Variants in LRRC63 observed in about 807,000 individuals in gnomAD.
LRRC63 encodes leucine rich repeat containing 63, also known as leucine-rich repeat-containing protein 63.
A neutral mutation model predicts 49.5 loss-of-function variants in LRRC63; 40 were observed. The observed-to-expected ratio is 0.81, with a 90% CI of 0.63 to 1.05. The LOEUF (loss-of-function observed/expected upper bound fraction) is 1.05, where lower values mean the gene tolerates loss of function less well. LRRC63 is among the 50% of genes least tolerant of loss of function. LRRC63 has a pLI of 0.00. For synonymous variants in LRRC63, 191 were observed against 221.1 expected (o/e 0.86, Z 1.21); for missense variants, 636 against 663.1 (o/e 0.96, Z 0.45).
rs1555328641 is a variant in LRRC63, at chr13:46,255,645, A to AAAAAAAAAAAAAATAT, written c.1226+5155_1226+5156insAAAAAAAAAAAATATA. Among the ~76,000 whole-genome samples the AAAAAAAAAAAAAATAT allele has an allele frequency of 3.6e-3, 461 of 129,428 alleles. 8 individuals carry two copies. Among genetic ancestry groups the AAAAAAAAAAAAAATAT allele is most frequent in the African/African-American group, 0.013 (439 of 34,334 alleles). The allele number at this position is 129,428 out of a possible 152,430, so 84.9% of individuals were successfully genotyped here. On this transcript the variant is annotated intron_variant, in intron 7 of 9. Coordinates refer to ENST00000595396, the Ensembl canonical transcript of LRRC63. The stretch of plus-strand genomic sequence containing the variant: ...GGCAACAGAGTAAGACCCTGCCTCA[A>AAAAAAAAAAAAAATAT]ATATATATATATATATATATAGTTA...
intron 2 of LRRC63, among the ~76,000 whole-genome samples, chr13:46,216,615 T>G (rs2046258808): frequency 6.6e-6 from 1 of 152,178 alleles, no homozygotes; most frequent in Non-Finnish European, 1.5e-5. Context: ...TGCCTGATTG[T>G]GCTGGCCAGA....
intron 4 of LRRC63, among the ~76,000 whole-genome samples, chr13:46,229,146 C>T (rs1660028813): frequency 6.6e-6 from 1 of 152,018 alleles, no homozygotes; most frequent in African/African-American, 2.4e-5. Flanking sequence ...TTACCAGGCA[C>T]ACAAAGAGAA....
At position 46,276,826 on chromosome 13, in the gene LRRC63, G is replaced by GTATATA. The variant is rs752992115; in HGVS notation, c.*24_*25insATATAT. On this transcript the variant is annotated 3_prime_UTR_variant, in exon 10 of 10. Coordinates refer to ENST00000595396, the Ensembl canonical transcript of LRRC63. ...TAGTACAATGATTTATCGTATGTGT[G>GTATATA]TGTATATATATATATATATATATAT... The GTATATA allele has an allele frequency of 8.4e-4, 139 of 165,320 alleles. 1 individual carries two copies. Among genetic ancestry groups the GTATATA allele is most frequent in the Middle Eastern group, 6.6e-3 (3 of 456 alleles). 10.2% of individuals were successfully genotyped at this position (165,320 alleles called of 1,614,324 possible). A position where few individuals can be genotyped will look rare whatever the true frequency, so the allele number is the denominator to read the frequency against.
chr13:46,265,733 C>A (rs1430701825), intron 8 of LRRC63, among the ~76,000 whole-genome samples: 1 of 152,196 alleles, frequency 6.6e-6, no homozygotes, highest in Non-Finnish European at 1.5e-5. Flanking sequence ...GGCCCCTAGG[C>A]TTGTGATTTG....
intron 7 of LRRC63, among the ~76,000 whole-genome samples, chr13:46,254,639 A>G (rs1479281699): frequency 6.6e-6 from 1 of 152,220 alleles, no homozygotes; most frequent in Non-Finnish European, 1.5e-5. Context: ...TTTGAGAGCA[A>G]GAAGAATAAT....
chr13:46,236,477 T>A (rs1191767029), intron 5 of LRRC63, among the ~76,000 whole-genome samples: 1 of 152,176 alleles, frequency 6.6e-6, no homozygotes. Flanking sequence ...CACAGCCAGT[T>A]TGTTGCCAGA....
rs1463904343 is a variant in LRRC63, at chr13:46,247,244, G to A, written c.1089+619G>A. Among the ~76,000 whole-genome samples, 3 of 152,082 alleles carry A rather than the reference G, an allele frequency of 2.0e-5. No individual in the cohort carries two copies. The East Asian group carries it at 5.8e-4, about 29-fold the overall frequency. Reference sequence around the variant, plus strand: ...TGTATTTTCTTCTTTCAATCAGATGGTATTGAAAACATATATTTTCCATAC... The same window carrying A: ...TGTATTTTCTTCTTTCAATCAGATGATATTGAAAACATATATTTTCCATAC... On this transcript the variant is annotated intron_variant, in intron 6 of 9. Coordinates refer to ENST00000595396, the Ensembl canonical transcript of LRRC63.
chr13:46,249,637 A>G (rs1209796678), intron 6 of LRRC63, among the ~76,000 whole-genome samples: 2 of 151,894 alleles, frequency 1.3e-5, no homozygotes, highest in Non-Finnish European at 2.9e-5. Flanking sequence ...GAGCCAAAAT[A>G]ATTTTGAAAA....
chr13:46,220,167 G>A (rs2138364500), intron 2 of LRRC63, among the ~76,000 whole-genome samples: 1 of 152,296 alleles, frequency 6.6e-6, no homozygotes, highest in Non-Finnish European at 1.5e-5. Flanking sequence ...TTCAGAGCTG[G>A]CAGACAGGAA....
chr13:46,230,331 C>T (rs2046711258), intron 4 of LRRC63, among the ~76,000 whole-genome samples: 1 of 152,100 alleles, frequency 6.6e-6, no homozygotes, highest in South Asian at 2.1e-4. Flanking sequence ...AGGGACAGAA[C>T]TAATAGGATA....
At chr13:46,225,488 G>A (rs570223051) in intron 2 of LRRC63, among the ~76,000 whole-genome samples, 1 of 152,108 alleles carries the variant, frequency 6.6e-6, no homozygotes, top group South Asian at 2.1e-4. Flanking sequence ...CGGTGGGAGA[G>A]GAAATCAAAC....
chr13:46,223,502 T>C (rs1390367599), intron 2 of LRRC63, among the ~76,000 whole-genome samples: 1 of 150,544 alleles, frequency 6.6e-6, no homozygotes, highest in Non-Finnish European at 1.5e-5. Flanking sequence ...TTTTTTTTAA[T>C]TTCAGCACTT....
intron 7 of LRRC63, among the ~76,000 whole-genome samples, chr13:46,258,905 A>C (rs2047569799): frequency 6.6e-6 from 1 of 152,126 alleles, no homozygotes; most frequent in Admixed American, 6.5e-5. Context: ...TTTCTAAAAT[A>C]AAATAAAATA....
chr13:46,254,349 C>T (rs911366506), intron 7 of LRRC63, among the ~76,000 whole-genome samples: 1 of 151,878 alleles, frequency 6.6e-6, no homozygotes, highest in East Asian at 1.9e-4. Context: ...GGAAAGAAAC[C>T]AATAGGGAAT....
At chr13:46,245,555 C>T (rs1012877783) in intron 5 of LRRC63, among the ~76,000 whole-genome samples, 2 of 151,918 alleles carry the variant, frequency 1.3e-5, no homozygotes, top group African/African-American at 4.8e-5. Context: ...TAGAAAAGTA[C>T]CAAATATTTG....
intron 9 of LRRC63, among the ~76,000 whole-genome samples, chr13:46,273,911 C>CAAA (rs34967125): frequency 6.9e-5 from 7 of 100,760 alleles, no homozygotes; most frequent in African/African-American, 2.4e-4. Context: ...GACTCTGTCT[C>CAAA]AAAAAAAAAA....
intron 2 of LRRC63, among the ~76,000 whole-genome samples, chr13:46,226,465 T>G (rs1240596491): frequency 6.6e-6 from 1 of 152,228 alleles, no homozygotes; most frequent in Non-Finnish European, 1.5e-5. Context: ...TATATTACTC[T>G]GATCAGGAAA....
At position 46,227,058 on chromosome 13, in the gene LRRC63, G is replaced by C. The variant is rs113307083; in HGVS notation, c.86-454G>C. On this transcript the variant is annotated intron_variant, in intron 2 of 9. Transcript: ENST00000595396. ...TATCAGATTGTTATCATCTTCAAAA[G>C]ACACATTGGTCTGACATCTGGCATT... 5.5e-4 allele frequency among the ~76,000 whole-genome samples: 83 copies of C among 152,274 alleles called. 3 individuals carry two copies. The highest frequency in any genetic ancestry group is 1.9e-3 in the African/African-American group (80 of 41,556).
At chr13:46,258,669 A>C (rs577877512) in intron 7 of LRRC63, among the ~76,000 whole-genome samples, 1 of 150,892 alleles carries the variant, frequency 6.6e-6, no homozygotes, top group Non-Finnish European at 1.5e-5. Flanking sequence ...TTAGCTGGGC[A>C]TGGTGGCGTG....
Sources: allele counts gnomAD v4.1 joint callset (sites outside exome capture counted in the v4.1 genomes callset), GRCh38; gene constraint gnomAD v4.1.1; transcripts MANE v1.5; gene names NCBI Gene and HGNC (gene_info 2026-07-23, HGNC 2026-07-21).